GATAD2B: variants seen among roughly 807,000 people sequenced by gnomAD.
GATAD2B encodes the protein transcriptional repressor p66-beta.
In GATAD2B, 8 loss-of-function variants were observed where a neutral mutation model predicts 64.3. The ratio of observed to expected loss-of-function variants is 0.12; its 90% confidence interval spans 0.07 to 0.22. The LOEUF (loss-of-function observed/expected upper bound fraction) is 0.22. GATAD2B is among the 10% of genes least tolerant of loss of function. The probability of loss-of-function intolerance (pLI) is 1.00; values close to 1 mark genes in which losing one functional copy is unlikely to be tolerated. For synonymous variants in GATAD2B, 281 were observed against 271.3 expected (o/e 1.04, Z -0.35); for missense variants, 453 against 752.0 (o/e 0.60, Z 4.65).
intron 1 of GATAD2B, among the ~76,000 whole-genome samples, chr1:153,862,618 A>C (rs1057157054): frequency 6.6e-6 from 1 of 152,156 alleles, no homozygotes; most frequent in East Asian, 1.9e-4. Context: ...AGTGTGGGCC[A>C]CTGACCACTG....
rs1434492338 is a variant in GATAD2B at position 153,837,556 on chromosome 1, T to C, written c.-1-9208A>G. ...ATCCACTGAATTATATACTTACAAA[T>C]GGTTAAGATGGTAAATTTCATGTTA... On this transcript the variant is annotated intron_variant, in intron 1 of 10. Coordinates refer to ENST00000368655, the MANE Select transcript of GATAD2B (RefSeq NM_020699.4). Among the ~76,000 whole-genome samples, 4 of 152,108 alleles carry C rather than the reference T, an allele frequency of 2.6e-5. 1 individual carries two copies. The South Asian group carries it at 6.2e-4, about 24-fold the overall frequency.
chr1:153,907,295 T>C (rs947325549), intron 1 of GATAD2B, among the ~76,000 whole-genome samples: 3 of 152,184 alleles, frequency 2.0e-5, no homozygotes, highest in African/African-American at 7.2e-5. Flanking sequence ...AAATGAGATA[T>C]TTACATACAA....
intron 1 of GATAD2B, among the ~76,000 whole-genome samples, chr1:153,907,720 C>T (rs1677992097): frequency 6.6e-6 from 1 of 151,104 alleles, no homozygotes; most frequent in African/African-American, 2.4e-5. Context: ...CTCACTGCAA[C>T]CTCTGCCTCC....
At chr1:153,821,721 G>A (rs984316761) in intron 2 of GATAD2B, among the ~76,000 whole-genome samples, 4 of 151,824 alleles carry the variant, frequency 2.6e-5, no homozygotes, top group African/African-American at 4.8e-5. Flanking sequence ...CCGGCACCGC[G>A]CCTGGCTAAT....
chr1:153,846,705 C>T (rs1234822319), intron 1 of GATAD2B, among the ~76,000 whole-genome samples: 1 of 151,614 alleles, frequency 6.6e-6, no homozygotes, highest in Non-Finnish European at 1.5e-5. Context: ...GGATTACAGG[C>T]ATCCGCCACC....
intron 1 of GATAD2B, among the ~76,000 whole-genome samples, chr1:153,900,813 CAT>C (rs1480188602): frequency 6.6e-6 from 1 of 152,150 alleles, no homozygotes; most frequent in Non-Finnish European, 1.5e-5. Flanking sequence ...AAAAAATGAG[CAT>C]AGTTATTTCC....
rs796437951 is a variant in GATAD2B, at chr1:153,809,712, CAAA to C, written c.*462_*464del. The C allele has an allele frequency of 5.8e-5, 4 of 69,328 alleles. No individual in the cohort carries two copies. Among genetic ancestry groups the C allele is most frequent in the Non-Finnish European group, 9.1e-5 (3 of 33,020 alleles). The allele number at this position is 69,328 out of a possible 1,614,324, so 4.3% of individuals were successfully genotyped here. On this transcript the variant is annotated 3_prime_UTR_variant, in exon 11 of 11. Coordinates refer to ENST00000368655, the MANE Select transcript of GATAD2B (RefSeq NM_020699.4). ...TTGAACTGAATGTCATTTGTGTTTACAAAAAAAAAAAAAAAAAAGGAAGAAAAG... is the reference window on the plus strand; with the variant it reads ...TTGAACTGAATGTCATTTGTGTTTACAAAAAAAAAAAAAAAGGAAGAAAAG...
At chr1:153,849,671 C>G (rs772927128) in intron 1 of GATAD2B, among the ~76,000 whole-genome samples, 16 of 152,176 alleles carry the variant, frequency 1.1e-4, no homozygotes, top group Non-Finnish European at 1.9e-4. Context: ...CACTCTTTCA[C>G]CCAGGCTGCA....
intron 1 of GATAD2B, among the ~76,000 whole-genome samples, chr1:153,904,240 A>C (rs2101962850): frequency 6.6e-6 from 1 of 152,132 alleles, no homozygotes; most frequent in African/African-American, 2.4e-5. Context: ...AGATTACGCC[A>C]CTACACTCCA....
In GATAD2B at chr1:153,813,407, G is replaced by A; in HGVS notation, c.1262C>T (p.Ala421Val). 1 of 1,613,986 alleles carries A rather than the reference G, an allele frequency of 6.2e-7. No homozygotes were observed. Among genetic ancestry groups the A allele is most frequent in the Non-Finnish European group, 8.5e-7 (1 of 1,179,922 alleles). Residue 421 changes from alanine (A) to valine (V), a missense_variant, in exon 8 of 11, where the codon GCC becomes GTC. By Grantham distance (64) the Ala-to-Val change is moderately conservative. Transcript: ENST00000368655. ...AGGGGTGAAATCTGTGCGGCACTGGGCACATACAAAGGGTTCAACCCGCAG... is the reference window on the plus strand; with the variant it reads ...AGGGGTGAAATCTGTGCGGCACTGGACACATACAAAGGGTTCAACCCGCAG... ...SLLRVEPFVC[A>V]QCRTDFTPHW...
chr1:153,809,255 G>A lies in GATAD2B; in HGVS notation c.*922C>T, dbSNP rs971046684. On this transcript the variant is annotated 3_prime_UTR_variant, in exon 11 of 11. Transcript: ENST00000368655. ...AGGGAGAATTTTACAAAGAATACAA[G>A]ATGAAATAATTTTGGGCTGGTTGGC... is the stretch of plus-strand genomic sequence containing the variant. The A allele has an allele frequency of 1.3e-5, 2 of 152,152 alleles. No individual in the cohort carries two copies. The highest frequency in any genetic ancestry group is 6.5e-5 in the Admixed American group (1 of 15,270). 9.4% of individuals were successfully genotyped at this position (152,152 alleles called of 1,614,324 possible). A position where few individuals can be genotyped will look rare whatever the true frequency, so the allele number is the denominator to read the frequency against.
At chr1:153,815,201 A>C (rs544486520) in intron 7 of GATAD2B, among the ~76,000 whole-genome samples, 3 of 138,282 alleles carry the variant, frequency 2.2e-5, no homozygotes, top group Non-Finnish European at 4.6e-5. Flanking sequence ...TGAGCCTGGG[A>C]GGTCAAGGCT....
At chr1:153,846,218 C>T (rs945718404) in intron 1 of GATAD2B, among the ~76,000 whole-genome samples, 5 of 152,042 alleles carry the variant, frequency 3.3e-5, no homozygotes, top group Non-Finnish European at 5.9e-5. Context: ...ATTTACCTTG[C>T]TTGTTCTGTG....
At chr1:153,835,607 T>G (rs1675234796) in intron 1 of GATAD2B, among the ~76,000 whole-genome samples, 1 of 151,792 alleles carries the variant, frequency 6.6e-6, no homozygotes, top group South Asian at 2.1e-4. Flanking sequence ...AGATGATTGT[T>G]AGTACTTTTT....
chr1:153,820,862 C>T (rs556557616), intron 2 of GATAD2B, among the ~76,000 whole-genome samples: 12 of 152,240 alleles, frequency 7.9e-5, no homozygotes, highest in African/African-American at 2.2e-4. Flanking sequence ...GCGACCCTCC[C>T]GCCTTGGCCT....
chr1:153,817,598 C>A, intron 5 of GATAD2B, 56 bp from the exon 6 acceptor site: 1 of 1,301,656 alleles, frequency 7.7e-7, no homozygotes, highest in Admixed American at 2.9e-5. Flanking sequence ...GTGTATAATA[C>A]AGCACAAAAT....
At chr1:153,830,827 G>A (rs1675054650) in intron 1 of GATAD2B, among the ~76,000 whole-genome samples, 1 of 152,198 alleles carries the variant, frequency 6.6e-6, no homozygotes, top group Non-Finnish European at 1.5e-5. Flanking sequence ...CCAGGCTAGG[G>A]TGCAAGTGGC....
At position 153,806,981 on chromosome 1, in the gene GATAD2B, C is replaced by G. The variant is rs1674131132; in HGVS notation, c.*3196G>C. On this transcript the variant is annotated 3_prime_UTR_variant, in exon 11 of 11. Transcript: ENST00000368655. ...AAAAAATTGTCTACCATACATATAT[C>G]CAAAAATGTGGGAAAAATACTTATT... 6.6e-6 allele frequency: 1 copy of G among 152,088 alleles called. No individual in the cohort carries two copies. The highest frequency in any genetic ancestry group is 2.4e-5 in the African/African-American group (1 of 41,410). 9.4% of individuals were successfully genotyped at this position (152,088 alleles called of 1,614,324 possible).
At chr1:153,826,250 G>A (rs1381823163) in intron 2 of GATAD2B, among the ~76,000 whole-genome samples, 1 of 151,732 alleles carries the variant, frequency 6.6e-6, no homozygotes, top group African/African-American at 2.4e-5. Context: ...TGATCCACCC[G>A]CCTCATGATC....
Sources: allele counts gnomAD v4.1 joint callset (sites outside exome capture counted in the v4.1 genomes callset), GRCh38; gene constraint gnomAD v4.1.1; transcripts MANE v1.5; gene names NCBI Gene and HGNC (gene_info 2026-07-23, HGNC 2026-07-21).